The following USH2A variants were observed in gnomAD, a reference collection of about 807,000 sequenced individuals.
USH2A encodes the protein Usher syndrome 2A (autosomal recessive, mild).
A neutral mutation model predicts 538.9 loss-of-function variants in USH2A; 443 were observed. The ratio of observed to expected loss-of-function variants is 0.82; its 90% CI spans 0.76 to 0.89. The LOEUF (loss-of-function observed/expected upper bound fraction) is 0.89, where lower values mean the gene tolerates loss of function less well. USH2A is among the 40% of genes least tolerant of loss of function. The pLI, the probability that USH2A is intolerant of heterozygous loss-of-function variation, is 0.00. For synonymous variants in USH2A, 2,413 were observed against 2,273.5 expected, an observed-to-expected ratio of 1.06 and a Z score of -1.75; for missense variants, 6,633 against 6,324.8, an observed-to-expected ratio of 1.05 and a Z score of -1.65.
chr1:215,650,467 C>A (rs559121630), intron 65 of USH2A, 125 bp downstream of exon 65: 5 of 1,151,388 alleles, frequency 4.3e-6, no homozygotes, highest in Non-Finnish European at 6.4e-6. Flanking sequence ...CTAAGTTCAC[C>A]GTAGAGCAAC....
intron 32 of USH2A, among the ~76,000 whole-genome samples, chr1:216,026,023 C>A (rs1190003166): frequency 6.6e-6 from 1 of 152,024 alleles, no homozygotes; most frequent in Admixed American, 6.6e-5. Context: ...GCAAAATAGC[C>A]TTTTAAAGGT....
rs79997070 is a variant in USH2A at position 215,903,765 on chromosome 1, T to C, written c.7301-2860A>G. Among the ~76,000 whole-genome samples, 494 of 152,058 alleles carry C rather than the reference T, an allele frequency of 3.2e-3. 17 individuals are homozygous for C. The East Asian group carries it at 0.062, about 19-fold the overall frequency. Reference sequence around the variant, plus strand: ...ATAAAAGCAAAGGCTCAGTGACAAATTGGGTGGATGAAATGGAGGCTTGAA... The same window carrying C: ...ATAAAAGCAAAGGCTCAGTGACAAACTGGGTGGATGAAATGGAGGCTTGAA... On this transcript the variant is annotated intron_variant, in intron 38 of 71. Transcript: ENST00000307340.
In USH2A at chr1:215,878,926, C is replaced by A; in HGVS notation, c.8396G>T (p.Gly2799Val). ...YSVTIVACSG[G>V]NGYLGGCTES... ...TGTGCACCCTCCAAGGTACCCATTACCCCCTGAGCAAGCAACAATGGTGAC... is the reference window on the plus strand; with the variant it reads ...TGTGCACCCTCCAAGGTACCCATTAACCCCTGAGCAAGCAACAATGGTGAC... The change falls in exon 42 of 72, where the codon GGT becomes GTT. Residue 2799 changes from glycine to valine, a missense_variant. Gly to Val is a moderately radical substitution (Grantham distance 109). Coordinates refer to ENST00000307340, the MANE Select transcript of USH2A (RefSeq NM_206933.4). The A allele has an allele frequency of 1.2e-6, 2 of 1,614,034 alleles. No homozygotes were observed. The highest frequency in any genetic ancestry group is 1.7e-6 in the Non-Finnish European group (2 of 1,179,984).
Position 215,628,926 on chromosome 1 carries a change from T to A in USH2A, c.15407A>T (p.Tyr5136Phe). The A allele has an allele frequency of 6.2e-7, 1 of 1,613,720 alleles. No homozygotes were observed. Among genetic ancestry groups the A allele is most frequent in the Non-Finnish European group, 8.5e-7 (1 of 1,179,934 alleles). Residue 5136 changes from tyrosine to phenylalanine, a missense_variant, in exon 71 of 72, where the codon TAC becomes TTC. Physicochemically the swap from Tyr to Phe is conservative, Grantham distance 22 (BLOSUM62 3). Transcript: ENST00000307340. ...GCTGCGGTGAAGAGAACCCTGGGAG[T>A]AGGTTAGGCTGGTTTGGTTTTGACT... is the stretch of plus-strand genomic sequence containing the variant. ...IPSQNQTSLTYSQGSLHRSVS... is the reference protein window; with the variant it reads ...IPSQNQTSLTFSQGSLHRSVS...
chr1:215,695,315 TTTTA>T (rs1558058182), intron 61 of USH2A, among the ~76,000 whole-genome samples: 1 of 152,198 alleles, frequency 6.6e-6, no homozygotes, highest in African/African-American at 2.4e-5. Flanking sequence ...AGATTTGGAA[TTTTA>T]TTTGTTACCA....
At chr1:215,963,125 A>C (rs539191306) in intron 37 of USH2A, among the ~76,000 whole-genome samples, 90 of 152,286 alleles carry the variant, frequency 5.9e-4, no homozygotes, top group Non-Finnish European at 1.0e-3. Context: ...CATTATGTCA[A>C]GGAAATAACC....
intron 49 of USH2A, among the ~76,000 whole-genome samples, chr1:215,801,384 T>A (rs1662329167): frequency 7.0e-6 from 1 of 142,002 alleles, no homozygotes. Flanking sequence ...TAGAGAAAAC[T>A]ATAAAGATTC....
At chr1:216,340,556 A>G in intron 4 of USH2A, among the ~76,000 whole-genome samples, 1 of 151,332 alleles carries the variant, frequency 6.6e-6, no homozygotes, top group Non-Finnish European at 1.5e-5. Flanking sequence ...AAAAAGAAGG[A>G]AAACTTCAGG....
rs879535110 is a variant in USH2A, at chr1:215,786,583, T to G, written c.10387+87A>C. On this transcript the variant is annotated intron_variant, in intron 52 of 71. Transcript: ENST00000307340. ...TGTACTGATATCAGTTTAAGGAGAG[T>G]TGATGTCAGAGTGAAATAAATCTGC... 37 of 1,406,556 alleles carry G rather than the reference T, an allele frequency of 2.6e-5. No homozygotes were observed. In the Middle Eastern group the frequency reaches 1.4e-3, roughly 53 times the overall value. 87.1% of individuals were successfully genotyped at this position (1,406,556 alleles called of 1,614,324 possible).
At position 216,084,762 on chromosome 1, in the gene USH2A, G is replaced by A. The variant is rs750028425; in HGVS notation, c.5103C>T (p.Asn1701=). The A allele has an allele frequency of 1.3e-5, 21 of 1,613,360 alleles. No individual in the cohort carries two copies. The Admixed American group carries it at 1.3e-4, about 10-fold the overall frequency. Residue 1701 remains asparagine (N), a synonymous_variant, in exon 25 of 72, where the codon AAC becomes AAT. Transcript: ENST00000307340. ...GACATCCCTCCCAGCTGTTATACAC[G>A]TTGATTTGTTCTTCAGAACTCTGCC... ...LDWQSSEEQI[N]VYNSWEGCPA...
chr1:215,802,595 A>T (rs962305510), intron 49 of USH2A, among the ~76,000 whole-genome samples: 5 of 152,148 alleles, frequency 3.3e-5, no homozygotes, highest in African/African-American at 1.2e-4. Context: ...GGATAGTTAT[A>T]AAAAACATAA....
At chr1:215,683,059 C>CT (rs1658291233) in intron 61 of USH2A, among the ~76,000 whole-genome samples, 2 of 151,538 alleles carry the variant, frequency 1.3e-5, no homozygotes, top group Non-Finnish European at 2.9e-5. Flanking sequence ...TTCTTTCTTT[C>CT]CTTTTTTTGT....
intron 38 of USH2A, among the ~76,000 whole-genome samples, chr1:215,932,089 T>G (rs1186201366): frequency 6.6e-6 from 1 of 151,986 alleles, no homozygotes; most frequent in Non-Finnish European, 1.5e-5. Flanking sequence ...AAAAGAAGCA[T>G]AGCTAAGGAT....
intron 32 of USH2A, among the ~76,000 whole-genome samples, chr1:216,028,654 G>A (rs1429449836): frequency 2.0e-5 from 3 of 151,474 alleles, no homozygotes; most frequent in African/African-American, 4.8e-5. Context: ...AAGACAAAGC[G>A]GAAAAAAATA....
At chr1:216,388,803 A>C (rs968698725) in intron 3 of USH2A, among the ~76,000 whole-genome samples, 5 of 152,232 alleles carry the variant, frequency 3.3e-5, no homozygotes, top group Admixed American at 3.3e-4. Context: ...AGCTCTTGAC[A>C]AGGAAGCTCC....
intron 69 of USH2A, among the ~76,000 whole-genome samples, chr1:215,638,236 T>C (rs1251258144): frequency 1.3e-5 from 2 of 152,192 alleles, no homozygotes; most frequent in Non-Finnish European, 2.9e-5. Context: ...GTCATACAAT[T>C]CTTTATTGAC....
chr1:216,035,592 A>T (rs2029895935), intron 32 of USH2A, among the ~76,000 whole-genome samples: 1 of 152,206 alleles, frequency 6.6e-6, no homozygotes, highest in African/African-American at 2.4e-5. Context: ...AAGCTAAAAC[A>T]CATAATTGAG....
chr1:216,326,906 A>G (rs1191104979), intron 5 of USH2A, among the ~76,000 whole-genome samples: 1 of 152,180 alleles, frequency 6.6e-6, no homozygotes, highest in African/African-American at 2.4e-5. Flanking sequence ...ATACTATTAT[A>G]CCATGATATC....
At chr1:215,815,313 G>A (rs979759863) in intron 48 of USH2A, among the ~76,000 whole-genome samples, 1 of 151,890 alleles carries the variant, frequency 6.6e-6, no homozygotes, top group African/African-American at 2.4e-5. Context: ...AAGACTATGT[G>A]GTGAGATTTG....
Sources: allele counts gnomAD v4.1 joint callset (sites outside exome capture counted in the v4.1 genomes callset), GRCh38; gene constraint gnomAD v4.1.1; transcripts MANE v1.5; gene names NCBI Gene and HGNC (gene_info 2026-07-23, HGNC 2026-07-21).